EFNA5: variants seen among roughly 807,000 people sequenced by gnomAD.
The protein encoded by EFNA5 is ephrin-A5.
A neutral mutation model predicts 22.9 loss-of-function variants in EFNA5; 5 were observed. The observed-to-expected ratio is 0.22, with a 90% confidence interval of 0.11 to 0.46. The LOEUF (loss-of-function observed/expected upper bound fraction) is 0.46. Among genes scored for constraint, EFNA5 ranks in the 20% least tolerant of loss-of-function variants. The probability of loss-of-function intolerance (pLI) is 0.99; values close to 1 mark genes in which losing one functional copy is unlikely to be tolerated. For missense variants in EFNA5, 237 were observed against 293.3 expected (o/e 0.81, Z 1.40); for synonymous variants, 113 against 112.2 (o/e 1.01, Z -0.04).
intron 1 of EFNA5, among the ~76,000 whole-genome samples, chr5:107,633,441 C>A (rs1750302371): frequency 6.6e-6 from 1 of 152,224 alleles, no homozygotes; most frequent in African/African-American, 2.4e-5. Flanking sequence ...CTGGCGGTAG[C>A]CAGCAGCAGC....
At chr5:107,436,252 G>T (rs952278150) in intron 1 of EFNA5, among the ~76,000 whole-genome samples, 9 of 152,178 alleles carry the variant, frequency 5.9e-5, no homozygotes, top group Non-Finnish European at 1.2e-4. Context: ...TAGCTTGATG[G>T]AGGAGTTTCA....
At chr5:107,520,754 C>T (rs1228495225) in intron 1 of EFNA5, among the ~76,000 whole-genome samples, 2 of 152,154 alleles carry the variant, frequency 1.3e-5, no homozygotes, top group Admixed American at 1.3e-4. Flanking sequence ...CTGCTTGGTA[C>T]CAACCAGATC....
chr5:107,429,929 A>G (rs1052920976), intron 1 of EFNA5, among the ~76,000 whole-genome samples: 2 of 152,230 alleles, frequency 1.3e-5, no homozygotes, highest in Admixed American at 6.5e-5. Flanking sequence ...TTAAATGTCA[A>G]ATGATCCATA....
At chr5:107,609,810 G>A (rs1054896065) in intron 1 of EFNA5, among the ~76,000 whole-genome samples, 4 of 152,122 alleles carry the variant, frequency 2.6e-5, no homozygotes, top group Non-Finnish European at 4.4e-5. Context: ...CCTGCCCGCC[G>A]CCGACTAGAA....
intron 1 of EFNA5, among the ~76,000 whole-genome samples, chr5:107,500,072 G>A (rs982976317): frequency 6.6e-6 from 1 of 152,200 alleles, no homozygotes; most frequent in African/African-American, 2.4e-5. Context: ...TCTAACTAAT[G>A]CTTCAGTTGT....
chr5:107,426,857 T>C (rs1040200866), intron 2 of EFNA5: 1 of 202,562 alleles, frequency 4.9e-6, no homozygotes, highest in Non-Finnish European at 1.0e-5. Flanking sequence ...GAATAAGAAA[T>C]CCAATGACTC....
chr5:107,487,725 T>C (rs1223471065), intron 1 of EFNA5, among the ~76,000 whole-genome samples: 2 of 152,220 alleles, frequency 1.3e-5, no homozygotes, highest in East Asian at 3.8e-4. Flanking sequence ...GAATGTCAGC[T>C]ATGTTTATGC....
At chr5:107,559,802 C>T (rs1276872145) in intron 1 of EFNA5, among the ~76,000 whole-genome samples, 1 of 152,172 alleles carries the variant, frequency 6.6e-6, no homozygotes, top group Non-Finnish European at 1.5e-5. Context: ...CATTAAAATA[C>T]ACACTGATGC....
chr5:107,629,573 GATAA>G (rs1484416649), intron 1 of EFNA5, among the ~76,000 whole-genome samples: 1 of 152,204 alleles, frequency 6.6e-6, no homozygotes, highest in Non-Finnish European at 1.5e-5. Flanking sequence ...GAGGGATGTT[GATAA>G]TGGGAGAAGC....
intron 1 of EFNA5, among the ~76,000 whole-genome samples, chr5:107,436,373 G>T (rs552078955): frequency 1.3e-5 from 2 of 152,176 alleles, no homozygotes; most frequent in African/African-American, 2.4e-5. Context: ...AGAGGCCTCG[G>T]GCATGGAGTA....
intron 1 of EFNA5, among the ~76,000 whole-genome samples, chr5:107,555,597 A>T (rs1442026039): frequency 6.6e-6 from 1 of 152,208 alleles, no homozygotes; most frequent in Non-Finnish European, 1.5e-5. Context: ...CATGGGTTTA[A>T]TTAACCTGTG....
chr5:107,398,877 T>A (rs1280018265), intron 2 of EFNA5, among the ~76,000 whole-genome samples: 25 of 123,506 alleles, frequency 2.0e-4, no homozygotes, highest in East Asian at 1.6e-3. Flanking sequence ...AAAAAAAAAA[T>A]CTTCTAGCTG....
rs1460150001 is a variant in EFNA5 at position 107,378,729 on chromosome 5, A to T, written c.*2526T>A. The stretch of plus-strand genomic sequence containing the variant: ...GTCTAATTTCACTGTGAAAAAATGA[A>T]AGACAATGGCAGAGAGGGCCATGAG... On this transcript the variant is annotated 3_prime_UTR_variant, in exon 5 of 5. Coordinates refer to ENST00000333274, the MANE Select transcript of EFNA5 (RefSeq NM_001962.3). The T allele has an allele frequency of 6.6e-6, 1 of 152,212 alleles. No homozygotes were observed. The highest frequency in any genetic ancestry group is 1.5e-5 in the Non-Finnish European group (1 of 68,040). 9.4% of individuals were successfully genotyped at this position (152,212 alleles called of 1,614,324 possible). A position where few individuals can be genotyped will look rare whatever the true frequency, so the allele number is the denominator to read the frequency against.
chr5:107,461,344 G>C (rs1476716112), intron 1 of EFNA5, among the ~76,000 whole-genome samples: 2 of 152,120 alleles, frequency 1.3e-5, no homozygotes, highest in Non-Finnish European at 2.9e-5. Context: ...TAACAGTAGA[G>C]AGAAAGCTAT....
At chr5:107,661,203 A>C (rs1750951377) in intron 1 of EFNA5, among the ~76,000 whole-genome samples, 1 of 152,152 alleles carries the variant, frequency 6.6e-6, no homozygotes, top group African/African-American at 2.4e-5. Context: ...AGAACCATAC[A>C]TCTGAGCTTC....
At chr5:107,442,880 A>G (rs1438682485) in intron 1 of EFNA5, among the ~76,000 whole-genome samples, 1 of 148,778 alleles carries the variant, frequency 6.7e-6, no homozygotes, top group African/African-American at 2.5e-5. Flanking sequence ...TTTCCCCCCA[A>G]GACAGAATTT....
chr5:107,414,521 C>T (rs927774795), intron 2 of EFNA5, among the ~76,000 whole-genome samples: 5 of 152,142 alleles, frequency 3.3e-5, no homozygotes, highest in African/African-American at 1.2e-4. Flanking sequence ...TCAGTAAGCA[C>T]TGATGAACTG....
At chr5:107,643,704 C>G in intron 1 of EFNA5, among the ~76,000 whole-genome samples, 1 of 151,830 alleles carries the variant, frequency 6.6e-6, no homozygotes. Context: ...GGAGTGGGGA[C>G]AGGAAGGACC....
At chr5:107,556,363 T>G (rs137884815) in intron 1 of EFNA5, among the ~76,000 whole-genome samples, 2 of 152,334 alleles carry the variant, frequency 1.3e-5, no homozygotes, top group African/African-American at 2.4e-5. Context: ...CTGCACAAGT[T>G]ATTTGGCAAC....
Sources: gnomAD v4.1 joint callset for allele counts (sites outside exome capture counted in the v4.1 genomes callset) on GRCh38, gnomAD v4.1.1 for gene constraint, MANE v1.5 for transcripts, NCBI Gene and HGNC (gene_info 2026-07-23, HGNC 2026-07-21) for gene names.